The following PLCB4 variants were observed in gnomAD, a reference collection of about 807,000 sequenced individuals.
The protein encoded by PLCB4 is 1-phosphatidylinositol 4,5-bisphosphate phosphodiesterase beta-4.
In PLCB4, 77 loss-of-function variants were observed where a neutral mutation model predicts 178.8. The observed-to-expected ratio is 0.43, with a 90% CI of 0.36 to 0.52. PLCB4 has a LOEUF of 0.52. Among genes scored for constraint, PLCB4 ranks in the 20% least tolerant of loss-of-function variants. PLCB4 has a pLI of 0.00. For synonymous variants in PLCB4, 496 were observed against 490.8 expected (o/e 1.01, Z -0.14); for missense variants, 1,024 against 1,453.4 (o/e 0.70, Z 4.80).
chr20:9,151,880 A>G lies in PLCB4; in HGVS notation c.-79+55538A>G, dbSNP rs370144415. On this transcript the variant is annotated intron_variant, in intron 2 of 39. Transcript: ENST00000378473. ...AGAGACTTGTTGAATGGCTTTGCCC[A>G]AAATGCTGATAGTGATATAGACAAT... is the stretch of plus-strand genomic sequence containing the variant. Among the ~76,000 whole-genome samples, 194 of 152,302 alleles carry G rather than the reference A, an allele frequency of 1.3e-3. 5 individuals are homozygous for G. The South Asian group carries it at 0.038, about 30-fold the overall frequency.
chr20:9,110,604 A>T (rs774240825), intron 2 of PLCB4, among the ~76,000 whole-genome samples: 2 of 152,150 alleles, frequency 1.3e-5, no homozygotes, highest in Non-Finnish European at 2.9e-5. Flanking sequence ...TTCATAGGAC[A>T]CCAGAAATCT....
chr20:9,329,093 C>T (rs544546427), intron 4 of PLCB4, among the ~76,000 whole-genome samples: 1 of 152,324 alleles, frequency 6.6e-6, no homozygotes, highest in Admixed American at 6.5e-5. Flanking sequence ...TGCCATGTTG[C>T]CTCGTCCTTA....
intron 13 of PLCB4, 88 bp from the exon 14 acceptor site, chr20:9,384,113 A>G (rs1265289187): frequency 1.0e-6 from 1 of 1,001,452 alleles, no homozygotes; most frequent in Non-Finnish European, 1.6e-6. Flanking sequence ...TACTCTTATA[A>G]TTTAAGCTGC....
intron 2 of PLCB4, among the ~76,000 whole-genome samples, chr20:9,142,887 G>A (rs905782410): frequency 4.6e-5 from 7 of 152,086 alleles, no homozygotes; most frequent in African/African-American, 1.7e-4. Context: ...GGGCCCCAAG[G>A]GCCTGGCACG....
intron 9 of PLCB4, among the ~76,000 whole-genome samples, chr20:9,370,108 C>G (rs193210986): frequency 5.3e-5 from 8 of 152,278 alleles, no homozygotes; most frequent in African/African-American, 1.9e-4. Flanking sequence ...CTGAGTGGCA[C>G]CAACACATTT....
chr20:9,340,070 T>A (rs60491557), intron 7 of PLCB4, among the ~76,000 whole-genome samples: 10,132 of 152,200 alleles, frequency 0.067, 363 homozygotes, highest in Middle Eastern at 0.095. Flanking sequence ...ACCCTATAAT[T>A]GGAAACTCAG....
intron 3 of PLCB4, among the ~76,000 whole-genome samples, chr20:9,293,152 A>AGAATGGAATG (rs369314731): frequency 6.6e-6 from 1 of 150,994 alleles, no homozygotes; most frequent in African/African-American, 2.4e-5. Flanking sequence ...AAGTAAGGAA[A>AGAATGGAATG]GAATGGAATG....
At chr20:9,375,060 G>A (rs1481999154) in intron 12 of PLCB4, among the ~76,000 whole-genome samples, 1 of 152,070 alleles carries the variant, frequency 6.6e-6, no homozygotes, top group Non-Finnish European at 1.5e-5. Flanking sequence ...GACTACTCAG[G>A]AAAGTCTATA....
At chr20:9,423,253 CATTTATTCAGAGATACTTAATTT>C (rs1218078603) in intron 27 of PLCB4, among the ~76,000 whole-genome samples, 1 of 152,196 alleles carries the variant, frequency 6.6e-6, no homozygotes, top group Non-Finnish European at 1.5e-5. Flanking sequence ...ATGCATGAAG[CATTTATTCAGAGATACTTAATTT>C]ATTTATTCAG....
chr20:9,365,261 T>G (rs2035676452), intron 8 of PLCB4, among the ~76,000 whole-genome samples, 200 bp from the exon 9 acceptor site: 2 of 152,252 alleles, frequency 1.3e-5, no homozygotes, highest in Admixed American at 1.3e-4. Context: ...GTTGTTTTTC[T>G]GAAATTCAAG....
intron 33 of PLCB4, among the ~76,000 whole-genome samples, 160 bp from the exon 34 acceptor site, chr20:9,457,254 G>A (rs1026460353): frequency 7.9e-5 from 12 of 152,258 alleles, no homozygotes; most frequent in African/African-American, 2.6e-4. Context: ...TATTTTGTAA[G>A]GTGTGAATCT....
intron 3 of PLCB4, among the ~76,000 whole-genome samples, chr20:9,223,901 T>C (rs1157241105): frequency 1.3e-5 from 2 of 152,282 alleles, no homozygotes; most frequent in East Asian, 1.9e-4. Flanking sequence ...GTAGCTAGAG[T>C]GTACAGCATG....
chr20:9,158,384 G>T (rs1336442641), intron 2 of PLCB4, among the ~76,000 whole-genome samples: 2 of 150,994 alleles, frequency 1.3e-5, no homozygotes, highest in African/African-American at 2.4e-5. Flanking sequence ...TCCTCCATCA[G>T]CCTCCCAAGT....
At chr20:9,139,217 T>C (rs557324162) in intron 2 of PLCB4, among the ~76,000 whole-genome samples, 1 of 152,138 alleles carries the variant, frequency 6.6e-6, no homozygotes, top group Non-Finnish European at 1.5e-5. Flanking sequence ...TTTAGTTATC[T>C]CTTGCTTTTT....
At chr20:9,194,719 C>T (rs112650277) in intron 2 of PLCB4, among the ~76,000 whole-genome samples, 167 of 143,000 alleles carry the variant, frequency 1.2e-3, no homozygotes, top group African/African-American at 4.0e-3. Flanking sequence ...AAAAAAAGAA[C>T]CTTTTTTTAA....
rs925883124 is a variant in PLCB4 at position 9,238,747 on chromosome 20, G to A, written c.-16+21295G>A. On this transcript the variant is annotated intron_variant, in intron 3 of 39. Transcript: ENST00000378473. ...TTATATTTGAGAAACTTTCTGATTT[G>A]TATCAAAAAGTACCCTCCTGTGCCT... 4.6e-5 allele frequency among the ~76,000 whole-genome samples: 7 copies of A among 152,200 alleles called. No individual in the cohort carries two copies. In the South Asian group the frequency reaches 1.2e-3, roughly 27 times the overall value.
chr20:9,284,462 T>G (rs1013142620), intron 3 of PLCB4, among the ~76,000 whole-genome samples: 2 of 151,924 alleles, frequency 1.3e-5, no homozygotes, highest in African/African-American at 4.8e-5. Flanking sequence ...GCGTGTTGTA[T>G]AGATTGGCTT....
intron 3 of PLCB4, among the ~76,000 whole-genome samples, chr20:9,272,961 T>C (rs541377866): frequency 6.6e-6 from 1 of 152,146 alleles, no homozygotes; most frequent in East Asian, 1.9e-4. Context: ...ACTTTCTATA[T>C]TTTGTTTTTG....
At chr20:9,278,507 A>C (rs1030378089) in intron 3 of PLCB4, among the ~76,000 whole-genome samples, 36 of 152,036 alleles carry the variant, frequency 2.4e-4, no homozygotes, top group Admixed American at 2.3e-3. Flanking sequence ...TTTTAGAAAA[A>C]GGTTTGAACA....
Sources: gnomAD v4.1 joint callset for allele counts (sites outside exome capture counted in the v4.1 genomes callset) on GRCh38, gnomAD v4.1.1 for gene constraint, MANE v1.5 for transcripts, NCBI Gene and HGNC (gene_info 2026-07-23, HGNC 2026-07-21) for gene names.